Variants in SAMD8 observed in about 807,000 individuals in gnomAD.
SAMD8 encodes sphingomyelin synthase-related protein 1.
SAMD8 carries 20 observed loss-of-function variants against 42.0 expected under a neutral mutation model. The ratio of observed to expected loss-of-function variants is 0.48; its 90% CI spans 0.34 to 0.69. The LOEUF is 0.69. Ranked by LOEUF, SAMD8 falls within the 30% of genes least tolerant of loss-of-function variation. The pLI is 0.01. For missense variants in SAMD8, 328 were observed against 511.6 expected (o/e 0.64, Z 3.46); for synonymous variants, 162 against 173.0 (o/e 0.94, Z 0.50).
chr10:75,116,966 T>C (rs1848897243), intron 1 of SAMD8, among the ~76,000 whole-genome samples: 1 of 152,058 alleles, frequency 6.6e-6, no homozygotes, highest in Non-Finnish European at 1.5e-5. Flanking sequence ...CGTGCCACCA[T>C]GCTCGGCTAA....
chr10:75,150,014 T>A (rs1418209615), intron 1 of SAMD8, among the ~76,000 whole-genome samples: 1 of 152,022 alleles, frequency 6.6e-6, no homozygotes, highest in Non-Finnish European at 1.5e-5. Flanking sequence ...ATAGTGTAGG[T>A]AAATTACTGT....
intron 4 of SAMD8, among the ~76,000 whole-genome samples, chr10:75,175,079 C>T (rs1415455009): frequency 6.6e-6 from 1 of 152,188 alleles, no homozygotes. Context: ...AGTTTCACCT[C>T]CAGTTGAATG....
At chr10:75,106,096 CTT>C (rs933254809) in intron 1 of SAMD8, among the ~76,000 whole-genome samples, 1 of 109,026 alleles carries the variant, frequency 9.2e-6, no homozygotes, top group Non-Finnish European at 1.8e-5. Context: ...TCTTTTCTTT[CTT>C]TTCTTTTTTT....
chr10:75,133,139 G>C (rs111400685), intron 1 of SAMD8, among the ~76,000 whole-genome samples: 11 of 152,082 alleles, frequency 7.2e-5, no homozygotes, highest in African/African-American at 2.7e-4. Context: ...GGTGACTCAC[G>C]CCTGTAATCC....
intron 1 of SAMD8, chr10:75,105,915 A>G (rs997370281): frequency 6.6e-7 from 1 of 1,522,168 alleles, no homozygotes; most frequent in Non-Finnish European, 8.9e-7. Context: ...ACACCGGCCC[A>G]CCCACGGGCT....
At chr10:75,108,371 G>A (rs1007977127), upstream of SAMD8, 2 of 1,337,554 alleles carry the variant, frequency 1.5e-6, no homozygotes, top group Admixed American at 6.0e-5. Flanking sequence ...CCTATACCCA[G>A]AGCCCCGCAC....
At chr10:75,165,212 C>T (rs910387664) in intron 3 of SAMD8, among the ~76,000 whole-genome samples, 6 of 152,088 alleles carry the variant, frequency 3.9e-5, no homozygotes, top group African/African-American at 1.4e-4. Context: ...ATCGCTTGGA[C>T]CCCAGGGTCG....
intron 2 of SAMD8, among the ~76,000 whole-genome samples, chr10:75,152,399 G>A (rs1840310057): frequency 6.7e-6 from 1 of 149,876 alleles, no homozygotes; most frequent in Non-Finnish European, 1.5e-5. Flanking sequence ...GCGGGCGCCT[G>A]TAGTCCCAGC....
chr10:75,108,402 G>GGT (rs967061921), upstream of SAMD8: 15 of 1,025,610 alleles, frequency 1.5e-5, no homozygotes, highest in Non-Finnish European at 1.9e-5. Flanking sequence ...CTGAGCCGGC[G>GGT]GTGTGTGTGT....
upstream of SAMD8, chr10:75,108,158 C>T: frequency 6.2e-7 from 1 of 1,612,682 alleles, no homozygotes; most frequent in Non-Finnish European, 8.5e-7. Flanking sequence ...CGGCGTTCAG[C>T]ACGTGGGTGA....
chr10:75,134,037 G>A (rs1308313206), intron 1 of SAMD8, among the ~76,000 whole-genome samples: 1 of 152,122 alleles, frequency 6.6e-6, no homozygotes, highest in Non-Finnish European at 1.5e-5. Flanking sequence ...ACATACGTGT[G>A]CATGCATCTT....
At chr10:75,168,432 A>G (rs541489269) in intron 3 of SAMD8, 109 bp from the exon 4 acceptor site, 2 of 1,520,074 alleles carry the variant, frequency 1.3e-6, no homozygotes, top group African/African-American at 1.4e-5. Flanking sequence ...CTCTTCAAAG[A>G]GTCTAGTGAT....
chr10:75,164,527 A>G (rs1028088849), intron 2 of SAMD8, 118 bp from the exon 3 acceptor site: 6 of 1,434,084 alleles, frequency 4.2e-6, no homozygotes, highest in Non-Finnish European at 5.5e-6. Flanking sequence ...ATTTTCTGTA[A>G]GAGATAAGTT....
chr10:75,129,109 T>G (rs1353187555), intron 1 of SAMD8, among the ~76,000 whole-genome samples: 1 of 151,354 alleles, frequency 6.6e-6, no homozygotes, highest in African/African-American at 2.4e-5. Context: ...ATTTATTATA[T>G]CTTCTTTGTA....
Position 75,106,099 on chromosome 10 carries a change from TTC to T in SAMD8, c.-16+6373_-16+6374del, listed in dbSNP as rs1158532871. 1.8e-4 allele frequency among the ~76,000 whole-genome samples: 18 copies of T among 98,266 alleles called. 1 individual carries two copies. The highest frequency in any genetic ancestry group is 5.1e-4 in the African/African-American group (10 of 19,640). The allele number at this position is 98,266 out of a possible 152,430, so 64.5% of individuals were successfully genotyped here. ...GAATTTCTTTTTTCTTTTCTTTCTTTTCTTTTTTTTTTTTTTTTTTTTAGTAG... is the reference window on the plus strand; with the variant it reads ...GAATTTCTTTTTTCTTTTCTTTCTTTTTTTTTTTTTTTTTTTTTTTAGTAG... On this transcript the variant is annotated intron_variant, in intron 1 of 3. Transcript: ENST00000447533.
Position 75,179,492 on chromosome 10 carries a change from G to C in SAMD8, c.*2800G>C, listed in dbSNP as rs1313299865. 6.6e-6 allele frequency: 1 copy of C among 152,172 alleles called. No individual in the cohort carries two copies. The highest frequency in any genetic ancestry group is 1.5e-5 in the Non-Finnish European group (1 of 68,026). 9.4% of individuals were successfully genotyped at this position (152,172 alleles called of 1,614,324 possible). A position where few individuals can be genotyped will look rare whatever the true frequency, so the allele number is the denominator to read the frequency against. ...ATTGACATTGAGAGACCTAACAACA[G>C]ACTGCAATGGGGATTGTAAAATAAC... On this transcript the variant is annotated 3_prime_UTR_variant, in exon 6 of 6. Transcript: ENST00000542569.
At chr10:75,124,423 G>A (rs1187248592) in intron 1 of SAMD8, among the ~76,000 whole-genome samples, 1 of 152,068 alleles carries the variant, frequency 6.6e-6, no homozygotes, top group East Asian at 1.9e-4. Context: ...GAGCAGTCTG[G>A]CCAACGTGGT....
At chr10:75,104,119 T>C (rs1438205450) in intron 1 of SAMD8, 1 of 1,322,480 alleles carries the variant, frequency 7.6e-7, no homozygotes, top group Non-Finnish European at 1.0e-6. Flanking sequence ...ATGAGCTCTG[T>C]GTTACAGGCA....
intron 1 of SAMD8, among the ~76,000 whole-genome samples, chr10:75,148,205 A>T (rs1840189526): frequency 6.6e-6 from 1 of 152,168 alleles, no homozygotes; most frequent in Admixed American, 6.6e-5. Flanking sequence ...GGTGGATTTT[A>T]TCAAGCTTAT....
Sources: gnomAD v4.1 joint callset for allele counts (sites outside exome capture counted in the v4.1 genomes callset) on GRCh38, gnomAD v4.1.1 for gene constraint, MANE v1.5 for transcripts, NCBI Gene and HGNC (gene_info 2026-07-23, HGNC 2026-07-21) for gene names.